AUTS2: variants seen among roughly 807,000 people sequenced by gnomAD.
The protein encoded by AUTS2 is autism susceptibility gene 2 protein.
In AUTS2, 17 loss-of-function variants were observed where a neutral mutation model predicts 112.4. The observed-to-expected ratio is 0.15, with a 90% CI of 0.10 to 0.23. The LOEUF (loss-of-function observed/expected upper bound fraction) is 0.23, where lower values mean the gene tolerates loss of function less well. Among genes scored for constraint, AUTS2 ranks in the 10% least tolerant of loss-of-function variants. The probability of loss-of-function intolerance (pLI) is 1.00; values close to 1 mark genes in which losing one functional copy is unlikely to be tolerated. For synonymous variants in AUTS2, 751 were observed against 702.7 expected, an observed-to-expected ratio of 1.07 and a Z score of -1.09; for missense variants, 1,510 against 1,701.6, an observed-to-expected ratio of 0.89 and a Z score of 1.98.
chr7:69,720,578 G>A (rs1304150509), intron 1 of AUTS2, among the ~76,000 whole-genome samples: 2 of 152,138 alleles, frequency 1.3e-5, no homozygotes, highest in African/African-American at 4.8e-5. Context: ...TATCTTTTAA[G>A]TAAATTCATA....
intron 1 of AUTS2, among the ~76,000 whole-genome samples, chr7:69,637,324 A>G (rs934037729): frequency 6.6e-6 from 1 of 152,190 alleles, no homozygotes; most frequent in African/African-American, 2.4e-5. Flanking sequence ...AAATTGCAAC[A>G]ATTTCCACTT....
In AUTS2 at chr7:69,709,837, G is replaced by A. The variant is rs73166559; in HGVS notation, c.309+109875G>A. 1.8e-4 allele frequency among the ~76,000 whole-genome samples: 27 copies of A among 152,148 alleles called. No homozygotes were observed. The South Asian group carries it at 3.3e-3, about 19-fold the overall frequency. On this transcript the variant is annotated intron_variant, in intron 1 of 18. Transcript: ENST00000342771. ...TGTTTCTCAGATAACTCTTGCTACCGTCTGAGCAGTGTTTATTTAACAGAT... is the reference window on the plus strand; with the variant it reads ...TGTTTCTCAGATAACTCTTGCTACCATCTGAGCAGTGTTTATTTAACAGAT...
At chr7:70,386,471 C>A (rs977980635) in intron 4 of AUTS2, among the ~76,000 whole-genome samples, 1 of 152,150 alleles carries the variant, frequency 6.6e-6, no homozygotes, top group Non-Finnish European at 1.5e-5. Context: ...TCACCACTAT[C>A]TAATTCTAGA....
At chr7:69,659,380 G>A (rs1418133754) in intron 1 of AUTS2, among the ~76,000 whole-genome samples, 1 of 151,650 alleles carries the variant, frequency 6.6e-6, no homozygotes, top group African/African-American at 2.4e-5. Context: ...TTTTAGGAGA[G>A]TGTAATTTTT....
chr7:70,227,315 A>T (rs557699574), intron 4 of AUTS2, among the ~76,000 whole-genome samples: 19 of 67,668 alleles, frequency 2.8e-4, no homozygotes, highest in African/African-American at 8.2e-4. Context: ...TCATGCATTT[A>T]AAAAAAAAAA....
chr7:70,242,665 A>G (rs1812682980), intron 4 of AUTS2, among the ~76,000 whole-genome samples: 1 of 152,128 alleles, frequency 6.6e-6, no homozygotes, highest in African/African-American at 2.4e-5. Flanking sequence ...AGTTAATCTT[A>G]TTCAACCTGG....
chr7:70,256,513 T>A (rs1165452638), intron 4 of AUTS2, among the ~76,000 whole-genome samples: 1 of 152,178 alleles, frequency 6.6e-6, no homozygotes, highest in African/African-American at 2.4e-5. Flanking sequence ...CTAAACCTAT[T>A]GCATCTGTTC....
intron 2 of AUTS2, among the ~76,000 whole-genome samples, chr7:70,033,657 G>GA (rs985879528): frequency 3.3e-5 from 5 of 151,904 alleles, no homozygotes; most frequent in South Asian, 4.2e-4. Context: ...ATACAAAATA[G>GA]AAAAAAACAA....
intron 5 of AUTS2, among the ~76,000 whole-genome samples, chr7:70,602,350 G>A (rs1307446737): frequency 6.6e-6 from 1 of 152,186 alleles, no homozygotes; most frequent in African/African-American, 2.4e-5. Context: ...AGCATGATCA[G>A]GACCTGACCC....
intron 6 of AUTS2, among the ~76,000 whole-genome samples, chr7:70,733,330 T>C (rs1282652626): frequency 6.6e-6 from 1 of 152,222 alleles, no homozygotes; most frequent in African/African-American, 2.4e-5. Context: ...GGAATAGTTC[T>C]ATTGCATAAA....
chr7:69,702,779 A>T (rs565384340), intron 1 of AUTS2, among the ~76,000 whole-genome samples: 1 of 152,326 alleles, frequency 6.6e-6, no homozygotes, highest in Non-Finnish European at 1.5e-5. Context: ...AAGATCTCCA[A>T]GTCATTGGTC....
intron 1 of AUTS2, among the ~76,000 whole-genome samples, chr7:69,758,793 G>T (rs950893420): frequency 3.3e-5 from 5 of 152,070 alleles, no homozygotes; most frequent in Admixed American, 6.6e-5. Context: ...GAGACACCTG[G>T]TGAGAGAGTA....
At chr7:70,121,353 T>A (rs776378308) in intron 3 of AUTS2, among the ~76,000 whole-genome samples, 4 of 152,058 alleles carry the variant, frequency 2.6e-5, no homozygotes, top group Non-Finnish European at 2.9e-5. Flanking sequence ...TTGGACTTCA[T>A]CAAAATTAAA....
At chr7:70,701,322 G>A (rs1358853859) in intron 6 of AUTS2, among the ~76,000 whole-genome samples, 2 of 152,228 alleles carry the variant, frequency 1.3e-5, no homozygotes, top group Non-Finnish European at 2.9e-5. Flanking sequence ...AGCAGGGGCC[G>A]TGGCTCGAGG....
At chr7:70,169,395 C>G (rs1303047584) in intron 4 of AUTS2, among the ~76,000 whole-genome samples, 1 of 152,012 alleles carries the variant, frequency 6.6e-6, no homozygotes, top group Non-Finnish European at 1.5e-5. Context: ...CACGTGTCAC[C>G]ACACCTAGCT....
intron 4 of AUTS2, among the ~76,000 whole-genome samples, chr7:70,234,419 A>C (rs1812215066): frequency 6.6e-6 from 1 of 152,138 alleles, no homozygotes; most frequent in Admixed American, 6.5e-5. Flanking sequence ...GTTTCCTTTT[A>C]CACTTTTTCA....
chr7:70,080,195 A>T (rs1394680342), intron 2 of AUTS2, among the ~76,000 whole-genome samples: 1 of 152,188 alleles, frequency 6.6e-6, no homozygotes, highest in Non-Finnish European at 1.5e-5. Context: ...ATTAATACAG[A>T]TTAAATTTAA....
intron 5 of AUTS2, among the ~76,000 whole-genome samples, chr7:70,504,863 G>A (rs1316207464): frequency 6.6e-6 from 1 of 152,186 alleles, no homozygotes; most frequent in Non-Finnish European, 1.5e-5. Context: ...TTACAGTGCA[G>A]TATCCTGCTA....
At chr7:70,723,577 G>A (rs1419438883) in intron 6 of AUTS2, among the ~76,000 whole-genome samples, 4 of 151,834 alleles carry the variant, frequency 2.6e-5, no homozygotes, top group African/African-American at 7.2e-5. Flanking sequence ...CCGCTGTACA[G>A]ATTGTCAAGT....
Sources: allele counts gnomAD v4.1 joint callset (sites outside exome capture counted in the v4.1 genomes callset), GRCh38; gene constraint gnomAD v4.1.1; transcripts MANE v1.5; gene names NCBI Gene and HGNC (gene_info 2026-07-23, HGNC 2026-07-21).